KIAA0930: variants seen among roughly 807,000 people sequenced by gnomAD.
KIAA0930 encodes KIAA0930.
Under a neutral mutation model 43.9 loss-of-function variants are expected in KIAA0930, and 24 were observed. The observed-to-expected ratio is 0.55, with a 90% CI of 0.40 to 0.77. KIAA0930 has a LOEUF of 0.77. Among genes scored for constraint, KIAA0930 ranks in the 30% least tolerant of loss-of-function variants. The pLI, the probability that KIAA0930 is intolerant of heterozygous loss-of-function variation, is 0.00. For missense variants in KIAA0930, 461 were observed against 574.2 expected (o/e 0.80, Z 2.02); for synonymous variants, 259 against 216.4 (o/e 1.20, Z -1.73).
At chr22:45,224,558 G>A (rs2083787003) in intron 1 of KIAA0930, among the ~76,000 whole-genome samples, 1 of 152,224 alleles carries the variant, frequency 6.6e-6, no homozygotes, top group South Asian at 2.1e-4. Context: ...CCTCACATCA[G>A]TTAGTTTGGT....
rs573912988 is a variant in KIAA0930, at chr22:45,229,197, C to T, written c.64+11443G>A. Reference sequence around the variant, plus strand: ...CCACCAGTCACCCGAAAGATCCCTCCCCATCCCCCCCACCACCAAACACTC... The same window carrying T: ...CCACCAGTCACCCGAAAGATCCCTCTCCATCCCCCCCACCACCAAACACTC... On this transcript the variant is annotated intron_variant, in intron 1 of 9. Coordinates refer to ENST00000336156, the MANE Select transcript of KIAA0930 (RefSeq NM_001009880.2). 4.7e-4 allele frequency among the ~76,000 whole-genome samples: 7 copies of T among 14,804 alleles called. 1 individual carries two copies. The highest frequency in any genetic ancestry group is 8.0e-4 in the African/African-American group (2 of 2,488). The allele number at this position is 14,804 out of a possible 152,430, so 9.7% of individuals were successfully genotyped here. A position where few individuals can be genotyped will look rare whatever the true frequency, so the allele number is the denominator to read the frequency against.
At chr22:45,217,111 AG>A (rs2147753246) in intron 1 of KIAA0930, among the ~76,000 whole-genome samples, 1 of 152,292 alleles carries the variant, frequency 6.6e-6, no homozygotes, top group South Asian at 2.1e-4. Context: ...CTGTAATCCC[AG>A]CACCTTGGAA....
rs201416495 is a variant in KIAA0930 at position 45,203,197 on chromosome 22, G to A, written c.658-13C>T. 46 of 1,580,854 alleles carry A rather than the reference G, an allele frequency of 2.9e-5. No individual in the cohort carries two copies. The highest frequency in any genetic ancestry group is 4.5e-5 in the East Asian group (2 of 44,068). On this transcript the variant is annotated splice_polypyrimidine_tract_variant and intron_variant, in intron 6 of 9. Coordinates refer to ENST00000336156, the MANE Select transcript of KIAA0930 (RefSeq NM_001009880.2). The stretch of plus-strand genomic sequence containing the variant: ...CGGCCACGCTCACCTGGGGGCCGGC[G>A]CGGGGCAGCCTGAGTCAGGGAGGTG...
rs116816114 is a variant in KIAA0930, at chr22:45,197,993, C to T, written c.1016-45G>A. 875 of 1,602,070 alleles carry T rather than the reference C, an allele frequency of 5.5e-4. 5 individuals carry two copies. In the African/African-American group the frequency reaches 9.5e-3, roughly 17 times the overall value. ...GTCAAGGCCCCCACAGCATGGGACG[C>T]GGCGGGAGCAGCAGGAGGCCAGCTC... On this transcript the variant is annotated intron_variant, in intron 8 of 9. Transcript: ENST00000336156.
At chr22:45,217,820 G>T (rs1403265576) in intron 1 of KIAA0930, among the ~76,000 whole-genome samples, 3 of 151,600 alleles carry the variant, frequency 2.0e-5, no homozygotes, top group African/African-American at 7.3e-5. Context: ...ACTGATATTT[G>T]CCAGGAGTTC....
chr22:45,202,913 G>A (rs1233240223), intron 7 of KIAA0930, 77 bp downstream of exon 7: 3 of 1,256,818 alleles, frequency 2.4e-6, no homozygotes, highest in Non-Finnish European at 3.3e-6. Context: ...GTCCCCAGGG[G>A]GCCGTGAGCA....
At chr22:45,239,283 G>A (rs568214462) in intron 1 of KIAA0930, among the ~76,000 whole-genome samples, 6 of 152,324 alleles carry the variant, frequency 3.9e-5, no homozygotes, top group Middle Eastern at 3.4e-3. Context: ...GGCCTGCCAC[G>A]GTGGCACACA....
chr22:45,219,595 T>G (rs939941876), intron 1 of KIAA0930, among the ~76,000 whole-genome samples: 17 of 144,486 alleles, frequency 1.2e-4, no homozygotes, highest in Admixed American at 2.1e-4. Context: ...TTTTTTTTTT[T>G]TTTTTTTTTT....
At chr22:45,212,485 G>C in intron 1 of KIAA0930, 1 of 1,435,324 alleles carries the variant, frequency 7.0e-7, no homozygotes, top group Non-Finnish European at 9.1e-7. Flanking sequence ...GGCTGGGGGG[G>C]AGCCTTTGGA....
intron 1 of KIAA0930, among the ~76,000 whole-genome samples, chr22:45,227,500 C>A (rs1167052827): frequency 1.3e-5 from 2 of 152,208 alleles, no homozygotes; most frequent in African/African-American, 4.8e-5. Context: ...GAAGCGCCAG[C>A]CTCGAATCCA....
At chr22:45,231,094 T>C (rs570916556) in intron 1 of KIAA0930, among the ~76,000 whole-genome samples, 1 of 151,386 alleles carries the variant, frequency 6.6e-6, no homozygotes, top group East Asian at 2.0e-4. Flanking sequence ...CTACTAAAAA[T>C]ACATAAAAAT....
chr22:45,225,672 G>C (rs976972181), intron 1 of KIAA0930, among the ~76,000 whole-genome samples: 1 of 152,124 alleles, frequency 6.6e-6, no homozygotes, highest in Non-Finnish European at 1.5e-5. Flanking sequence ...CAGCTCAGGG[G>C]CCACCTCCAC....
intron 1 of KIAA0930, among the ~76,000 whole-genome samples, chr22:45,218,731 T>C (rs2083748955): frequency 6.6e-6 from 1 of 152,114 alleles, no homozygotes. Flanking sequence ...AGGAGGATTC[T>C]CCCAGCTATG....
At chr22:45,236,527 G>GT (rs2083889631) in intron 1 of KIAA0930, among the ~76,000 whole-genome samples, 2 of 152,106 alleles carry the variant, frequency 1.3e-5, no homozygotes, top group African/African-American at 4.8e-5. Context: ...GTGGCCTCTG[G>GT]CTAAGTGTTC....
chr22:45,224,440 G>A (rs763335126), intron 1 of KIAA0930, among the ~76,000 whole-genome samples: 3 of 152,314 alleles, frequency 2.0e-5, no homozygotes, highest in African/African-American at 7.2e-5. Flanking sequence ...GAGGCCTGAC[G>A]CTCTTGATCT....
At chr22:45,207,664 C>T (rs11705041) in intron 2 of KIAA0930, 25,165 of 170,136 alleles carry the variant, frequency 0.15, 1,997 homozygotes, top group Non-Finnish European at 0.18. Flanking sequence ...CTGGGGGCCT[C>T]TGGTCCCGGT....
chr22:45,234,039 A>G (rs1469304587), intron 1 of KIAA0930, among the ~76,000 whole-genome samples: 1 of 152,232 alleles, frequency 6.6e-6, no homozygotes, highest in Non-Finnish European at 1.5e-5. Flanking sequence ...TGGGGCTTGC[A>G]GAGCTCCTGT....
intron 2 of KIAA0930, among the ~76,000 whole-genome samples, chr22:45,209,607 T>TC (rs1266865290): frequency 1.3e-5 from 2 of 151,858 alleles, no homozygotes; most frequent in Non-Finnish European, 2.9e-5. Context: ...CCTTCTGCAC[T>TC]CCCCCCACCA....
In KIAA0930 at chr22:45,197,031, G is replaced by A. The variant is rs1009931102; in HGVS notation, c.*145C>T. On this transcript the variant is annotated 3_prime_UTR_variant, in exon 10 of 10. Transcript: ENST00000336156. ...GGCTGGTGTTCGTGGAGTCGGCCCC[G>A]GCCCCGGGAGTCGAGTGGCCTCGCC... 7 of 655,302 alleles carry A rather than the reference G, an allele frequency of 1.1e-5. No homozygotes were observed. The highest frequency in any genetic ancestry group is 3.5e-5 in the Admixed American group (1 of 28,964). The allele number at this position is 655,302 out of a possible 1,614,324, so 40.6% of individuals were successfully genotyped here.
Sources: gnomAD v4.1 joint callset for allele counts (sites outside exome capture counted in the v4.1 genomes callset) on GRCh38, gnomAD v4.1.1 for gene constraint, MANE v1.5 for transcripts, NCBI Gene and HGNC (gene_info 2026-07-23, HGNC 2026-07-21) for gene names.